The following NDRG3 variants were observed in gnomAD, a reference collection of about 807,000 sequenced individuals.
The protein encoded by NDRG3 is NDRG family member 3.
A neutral mutation model predicts 57.2 loss-of-function variants in NDRG3; 23 were observed. That is an observed-to-expected ratio of 0.40 (90% CI 0.29 to 0.57). The LOEUF (loss-of-function observed/expected upper bound fraction) is 0.57, where lower values mean the gene tolerates loss of function less well. NDRG3 is among the 20% of genes least tolerant of loss of function. NDRG3 has a pLI of 0.42. For missense variants in NDRG3, 384 were observed against 457.3 expected (o/e 0.84, Z 1.46); for synonymous variants, 132 against 162.6 (o/e 0.81, Z 1.43).
chr20:36,744,303 C>G (rs1238532747), intron 1 of NDRG3, among the ~76,000 whole-genome samples: 1 of 151,910 alleles, frequency 6.6e-6, no homozygotes, highest in Admixed American at 6.6e-5. Context: ...CAAGTTTAAT[C>G]TGAAGGAAGA....
intron 13 of NDRG3, among the ~76,000 whole-genome samples, chr20:36,657,162 T>C (rs1274170876): frequency 2.0e-5 from 3 of 152,166 alleles, no homozygotes; most frequent in Non-Finnish European, 4.4e-5. Context: ...CCAGAGATTC[T>C]GATTTGATAG....
At chr20:36,705,077 T>A (rs865795782) in intron 3 of NDRG3, among the ~76,000 whole-genome samples, 48 of 152,102 alleles carry the variant, frequency 3.2e-4, no homozygotes, top group African/African-American at 1.1e-3. Context: ...CCCAGCACTT[T>A]GGGAGGCTGA....
chr20:36,672,987 C>A (rs1461677612), intron 8 of NDRG3, among the ~76,000 whole-genome samples: 1 of 152,070 alleles, frequency 6.6e-6, no homozygotes, highest in Non-Finnish European at 1.5e-5. Flanking sequence ...CCTCAGCCAC[C>A]CAAGTAGCTG....
intron 13 of NDRG3, among the ~76,000 whole-genome samples, chr20:36,659,298 G>A (rs182852215): frequency 6.6e-6 from 1 of 151,934 alleles, no homozygotes; most frequent in Non-Finnish European, 1.5e-5. Flanking sequence ...CAGATACAGG[G>A]TTGTAAATAC....
At chr20:36,693,111 T>A (rs1222593970) in intron 3 of NDRG3, among the ~76,000 whole-genome samples, 558 of 28,766 alleles carry the variant, frequency 0.019, 4 homozygotes, top group Admixed American at 0.033. Flanking sequence ...AAAAAATATA[T>A]ATATATATAT....
chr20:36,701,715 T>C (rs569959366), intron 3 of NDRG3, among the ~76,000 whole-genome samples: 4 of 151,824 alleles, frequency 2.6e-5, no homozygotes, highest in African/African-American at 9.7e-5. Flanking sequence ...GCCTGGCTAA[T>C]TTTGTATTTT....
chr20:36,653,486 T>C lies in NDRG3; in HGVS notation c.*34A>G, dbSNP rs776155849. 1 of 1,594,604 alleles carries C rather than the reference T, an allele frequency of 6.3e-7. No individual in the cohort carries two copies. Among genetic ancestry groups the C allele is most frequent in the African/African-American group, 1.3e-5 (1 of 74,658 alleles). On this transcript the variant is annotated 3_prime_UTR_variant, in exon 16 of 16. Coordinates refer to ENST00000349004, the MANE Select transcript of NDRG3 (RefSeq NM_032013.4). This position sits in a 1 kb window ranked among gnomAD's most constrained non-coding sequence, Gnocchi z 4.2. ...TATTATGGAGTGGTCATTTGAAGGA[T>C]GGACTTGCAATGGTCCAGGGGAGGA... is the stretch of plus-strand genomic sequence containing the variant.
At chr20:36,707,649 C>A (rs1012049649) in intron 2 of NDRG3, among the ~76,000 whole-genome samples, 3 of 151,798 alleles carry the variant, frequency 2.0e-5, no homozygotes, top group Admixed American at 6.6e-5. Context: ...CAAACACAGT[C>A]AAAAAATCGA....
chr20:36,707,098 G>A (rs1983591525), intron 2 of NDRG3, 91 bp from the exon 3 acceptor site: 1 of 1,171,192 alleles, frequency 8.5e-7, no homozygotes, highest in Non-Finnish European at 1.3e-6. Context: ...AGCAGTGCAT[G>A]TGCAGCCTCT....
rs933000726 is a variant in NDRG3, at chr20:36,729,441, G to C, written c.-48-7658C>G. 2.0e-5 allele frequency among the ~76,000 whole-genome samples: 3 copies of C among 152,294 alleles called. No homozygotes were observed. The East Asian group carries it at 5.8e-4, about 29-fold the overall frequency. On this transcript the variant is annotated intron_variant, in intron 1 of 15. Transcript: ENST00000349004. ...AGATATGATCAGTTTTAAGTGATGA[G>C]AGTCTAACATGTGACCTCATCACTG...
chr20:36,666,167 G>C, intron 10 of NDRG3, 122 bp downstream of exon 10: 1 of 709,420 alleles, frequency 1.4e-6, no homozygotes, highest in Non-Finnish European at 2.4e-6. Context: ...AGCCAGAAGG[G>C]GCTCACATTT....
chr20:36,710,112 G>A (rs1983778272), intron 2 of NDRG3, among the ~76,000 whole-genome samples: 1 of 152,036 alleles, frequency 6.6e-6, no homozygotes, highest in South Asian at 2.1e-4. Context: ...TTGAGCTCAG[G>A]AGTTCAAGAC....
chr20:36,688,931 C>A (rs981185070), intron 3 of NDRG3, 147 bp from the exon 4 acceptor site: 1 of 644,954 alleles, frequency 1.6e-6, no homozygotes, highest in East Asian at 2.7e-5. Context: ...TGGTGGTTCA[C>A]GCCTGTAATC....
intron 2 of NDRG3, among the ~76,000 whole-genome samples, chr20:36,715,006 G>GTGTA (rs1984170473): frequency 1.5e-4 from 4 of 26,708 alleles, no homozygotes; most frequent in African/African-American, 3.8e-4. Flanking sequence ...GTGTGTGTGT[G>GTGTA]TATATATATA....
chr20:36,691,748 G>A (rs1982281848), intron 3 of NDRG3, among the ~76,000 whole-genome samples: 1 of 152,098 alleles, frequency 6.6e-6, no homozygotes, highest in Admixed American at 6.6e-5. Flanking sequence ...ATAAGGTTTG[G>A]ATAGGAGGAA....
chr20:36,663,500 T>C (rs1979374816), intron 12 of NDRG3, among the ~76,000 whole-genome samples: 1 of 152,220 alleles, frequency 6.6e-6, no homozygotes, highest in South Asian at 2.1e-4. Context: ...TGAAGAACTA[T>C]CAACTTCATT....
At chr20:36,677,598 A>G (rs566585741) in intron 8 of NDRG3, among the ~76,000 whole-genome samples, 5 of 152,332 alleles carry the variant, frequency 3.3e-5, no homozygotes, top group African/African-American at 1.2e-4. Context: ...CTGCTGGCAG[A>G]GAAGGGCTAC....
rs910485478 is a variant in NDRG3, at chr20:36,654,960, A to G, written c.947-1259T>C. 5.6e-6 allele frequency: 4 copies of G among 709,006 alleles called. No individual in the cohort carries two copies. In the East Asian group the frequency reaches 7.9e-5, roughly 14 times the overall value. The allele number at this position is 709,006 out of a possible 1,614,324, so 43.9% of individuals were successfully genotyped here. A position where few individuals can be genotyped will look rare whatever the true frequency, so the allele number is the denominator to read the frequency against. On this transcript the variant is annotated intron_variant, in intron 15 of 15. Coordinates refer to ENST00000349004, the MANE Select transcript of NDRG3 (RefSeq NM_032013.4). ...AAGCCAGGGATAAAATTTTATTTTAAGGTCCCAGAGAGGAGGTGAGGCTGA... is the reference window on the plus strand; with the variant it reads ...AAGCCAGGGATAAAATTTTATTTTAGGGTCCCAGAGAGGAGGTGAGGCTGA...
intron 1 of NDRG3, among the ~76,000 whole-genome samples, chr20:36,732,791 G>A (rs1268001824): frequency 6.6e-6 from 1 of 152,060 alleles, no homozygotes; most frequent in Non-Finnish European, 1.5e-5. Flanking sequence ...GTCTCAGCTT[G>A]TATCTCATTC....
Sources: allele counts gnomAD v4.1 joint callset (sites outside exome capture counted in the v4.1 genomes callset), GRCh38; gene constraint gnomAD v4.1.1; non-coding constraint Gnocchi (gnomAD v3.1); transcripts MANE v1.5; gene names NCBI Gene and HGNC (gene_info 2026-07-23, HGNC 2026-07-21).